NMNAT2: variants seen among roughly 807,000 people sequenced by gnomAD.
The protein encoded by NMNAT2 is nicotinamide/nicotinic acid mononucleotide adenylyltransferase 2.
In NMNAT2, 11 loss-of-function variants were observed where a neutral mutation model predicts 41.6. The ratio of observed to expected loss-of-function variants is 0.26; its 90% CI spans 0.17 to 0.44. NMNAT2 has a LOEUF of 0.44. Among genes scored for constraint, NMNAT2 ranks in the 20% least tolerant of loss-of-function variants. The pLI is 1.00. For missense variants in NMNAT2, 288 were observed against 407.7 expected (o/e 0.71, Z 2.53); for synonymous variants, 148 against 151.2 (o/e 0.98, Z 0.16).
At chr1:183,284,291 G>A (rs576241283) in intron 6 of NMNAT2, among the ~76,000 whole-genome samples, 1 of 152,336 alleles carries the variant, frequency 6.6e-6, no homozygotes, top group Admixed American at 6.5e-5. Flanking sequence ...TGGCTGGGGA[G>A]CCAATGCCGA....
chr1:183,314,708 G>T (rs1323619643), intron 1 of NMNAT2, among the ~76,000 whole-genome samples: 1 of 152,194 alleles, frequency 6.6e-6, no homozygotes, highest in Admixed American at 6.5e-5. Flanking sequence ...ATGTAAAAGT[G>T]CAGACACCTT....
chr1:183,312,623 TGA>T (rs1196727593), intron 1 of NMNAT2, among the ~76,000 whole-genome samples: 2 of 152,252 alleles, frequency 1.3e-5, no homozygotes, highest in Non-Finnish European at 2.9e-5. Flanking sequence ...TTTTTTCAGT[TGA>T]AGAAAGTATG....
chr1:183,367,275 A>G (rs1205257517), intron 1 of NMNAT2, among the ~76,000 whole-genome samples: 1 of 152,106 alleles, frequency 6.6e-6, no homozygotes, highest in Non-Finnish European at 1.5e-5. Context: ...CCTGACCAAC[A>G]TGGAGAAAAC....
intron 1 of NMNAT2, among the ~76,000 whole-genome samples, chr1:183,415,260 G>A (rs12745288): frequency 0.38 from 57,692 of 152,086 alleles, 12,422 homozygotes; most frequent in East Asian, 0.64. Context: ...TGGGATTGTA[G>A]GAGTGAGCCA....
Position 183,408,657 on chromosome 1 carries a change from G to A in NMNAT2, c.85+9526C>T, listed in dbSNP as rs1026226685. On this transcript the variant is annotated intron_variant, in intron 1 of 10. Transcript: ENST00000287713. ...AAAAATGGAGTGATAGGAAAAACTGGGGCCTTTACCCATTCTTTGTCAACA... is the reference window on the plus strand; with the variant it reads ...AAAAATGGAGTGATAGGAAAAACTGAGGCCTTTACCCATTCTTTGTCAACA... 3.9e-5 allele frequency among the ~76,000 whole-genome samples: 6 copies of A among 152,174 alleles called. No individual in the cohort carries two copies. The East Asian group carries it at 1.2e-3, about 29-fold the overall frequency.
chr1:183,299,663 A>G (rs1161045165), intron 1 of NMNAT2, among the ~76,000 whole-genome samples: 1 of 151,954 alleles, frequency 6.6e-6, no homozygotes, highest in Admixed American at 6.6e-5. Flanking sequence ...AAAAAAAAAA[A>G]AAAGGTGTTA....
At chr1:183,254,724 A>G (rs693578) in intron 10 of NMNAT2, among the ~76,000 whole-genome samples, 5,581 of 152,330 alleles carry the variant, frequency 0.037, 356 homozygotes, top group African/African-American at 0.13. Context: ...GGTATGAGCC[A>G]TCACACTGTG....
intron 1 of NMNAT2, among the ~76,000 whole-genome samples, chr1:183,392,764 T>C (rs1381718014): frequency 2.6e-5 from 4 of 152,240 alleles, no homozygotes; most frequent in African/African-American, 9.6e-5. Flanking sequence ...AGAAGCATTC[T>C]TCATATGGCT....
At chr1:183,344,930 C>A (rs931851593) in intron 1 of NMNAT2, among the ~76,000 whole-genome samples, 1 of 152,186 alleles carries the variant, frequency 6.6e-6, no homozygotes, top group African/African-American at 2.4e-5. Flanking sequence ...GGGGCCAATT[C>A]CCCAGCTGCT....
rs61005402 is a variant in NMNAT2 at position 183,311,722 on chromosome 1, TACACACACACACACACACAC to T, written c.86-17949_86-17930del. Among the ~76,000 whole-genome samples, 4 of 144,310 alleles carry T rather than the reference TACACACACACACACACACAC, an allele frequency of 2.8e-5. No individual in the cohort carries two copies. In the East Asian group the frequency reaches 6.0e-4, roughly 22 times the overall value. 94.7% of individuals were successfully genotyped at this position (144,310 alleles called of 152,430 possible). On this transcript the variant is annotated intron_variant, in intron 1 of 10. Coordinates refer to ENST00000287713, the MANE Select transcript of NMNAT2 (RefSeq NM_015039.4). The stretch of plus-strand genomic sequence containing the variant: ...CAGTTCACATCACACGTCCAGTCCC[TACACACACACACACACACAC>T]ACACACACACACACACACACACACG...
chr1:183,278,541 C>T lies in NMNAT2; in HGVS notation c.651+12G>A, dbSNP rs1661184388. 6.2e-7 allele frequency: 1 copy of T among 1,601,688 alleles called. No individual in the cohort carries two copies. The highest frequency in any genetic ancestry group is 8.6e-7 in the Non-Finnish European group (1 of 1,168,748). ...TCCCAGCTGGGTGCCAGGCAATAAC[C>T]TTGCTACTCACATCTGCCTCGTTCC... On this transcript the variant is annotated intron_variant, in intron 8 of 10. Transcript: ENST00000287713.
chr1:183,381,914 T>G (rs1290801249), intron 1 of NMNAT2, among the ~76,000 whole-genome samples: 1 of 152,170 alleles, frequency 6.6e-6, no homozygotes, highest in Non-Finnish European at 1.5e-5. Context: ...ACATAGCTGG[T>G]AAAGAACAGA....
chr1:183,350,132 C>T (rs1463043063), intron 1 of NMNAT2, among the ~76,000 whole-genome samples: 1 of 152,188 alleles, frequency 6.6e-6, no homozygotes, highest in African/African-American at 2.4e-5. Flanking sequence ...AATCCCTGCC[C>T]TCATGGAGCT....
intron 1 of NMNAT2, among the ~76,000 whole-genome samples, chr1:183,404,490 G>A (rs1487720783): frequency 1.3e-5 from 2 of 152,182 alleles, no homozygotes; most frequent in African/African-American, 2.4e-5. Flanking sequence ...TTTTCTGACT[G>A]ATGAGAAATG....
chr1:183,305,813 C>T lies in NMNAT2; in HGVS notation c.86-12020G>A, dbSNP rs542294186. Among the ~76,000 whole-genome samples the T allele has an allele frequency of 1.1e-4, 16 of 149,678 alleles. 1 individual carries two copies. The South Asian group carries it at 3.4e-3, about 32-fold the overall frequency. On this transcript the variant is annotated intron_variant, in intron 1 of 10. Coordinates refer to ENST00000287713, the MANE Select transcript of NMNAT2 (RefSeq NM_015039.4). ...TCAGCTCACTGCAACCTCCACCTTC[C>T]AGGTTCAAGTGATTCTCCCGCCTTA...
chr1:183,354,369 T>C (rs1214946769), intron 1 of NMNAT2, among the ~76,000 whole-genome samples: 1 of 152,028 alleles, frequency 6.6e-6, no homozygotes, highest in Non-Finnish European at 1.5e-5. Flanking sequence ...TGTCCTGCTG[T>C]TATAATTTAA....
intron 1 of NMNAT2, among the ~76,000 whole-genome samples, chr1:183,352,112 A>T (rs1285035888): frequency 1.3e-5 from 2 of 152,044 alleles, no homozygotes; most frequent in African/African-American, 4.8e-5. Flanking sequence ...TAACCCAAAA[A>T]AGTGTCCGTT....
intron 5 of NMNAT2, among the ~76,000 whole-genome samples, chr1:183,285,921 A>G (rs1661387565): frequency 6.6e-6 from 1 of 152,048 alleles, no homozygotes; most frequent in South Asian, 2.1e-4. Flanking sequence ...GAGTGTGGGG[A>G]TTCTGGGTGC....
chr1:183,292,081 T>C (rs1344503841), intron 3 of NMNAT2, among the ~76,000 whole-genome samples: 28 of 152,244 alleles, frequency 1.8e-4, no homozygotes, highest in Admixed American at 1.4e-3. Flanking sequence ...TATTTTTCCA[T>C]AGTGGGGGAA....
Sources: gnomAD v4.1 joint callset for allele counts (sites outside exome capture counted in the v4.1 genomes callset) on GRCh38, gnomAD v4.1.1 for gene constraint, MANE v1.5 for transcripts, NCBI Gene and HGNC (gene_info 2026-07-23, HGNC 2026-07-21) for gene names.